The following CDH12 variants were observed in gnomAD, a reference collection of about 807,000 sequenced individuals.
The protein encoded by CDH12 is cadherin-12.
Under a neutral mutation model 74.1 loss-of-function variants are expected in CDH12, and 41 were observed. That is an observed-to-expected ratio of 0.55 (90% CI 0.43 to 0.72). CDH12 has a LOEUF of 0.72. Among genes scored for constraint, CDH12 ranks in the 30% least tolerant of loss-of-function variants. The probability of loss-of-function intolerance (pLI) is 0.00; values close to 1 mark genes in which losing one functional copy is unlikely to be tolerated. For missense variants in CDH12, 945 were observed against 977.2 expected (o/e 0.97, Z 0.44); for synonymous variants, 399 against 355.0 (o/e 1.12, Z -1.39).
chr5:22,141,956 T>G (rs1277263608), intron 4 of CDH12, among the ~76,000 whole-genome samples: 1 of 152,154 alleles, frequency 6.6e-6, no homozygotes. Flanking sequence ...AATAAATAAC[T>G]TGCCCAGAGT....
intron 1 of CDH12, among the ~76,000 whole-genome samples, chr5:22,564,387 C>A (rs952221858): frequency 4.6e-5 from 7 of 152,154 alleles, no homozygotes; most frequent in Non-Finnish European, 1.0e-4. Flanking sequence ...AAGTTTCCCT[C>A]CAATGTGACT....
chr5:22,347,789 A>T (rs1740181199), intron 3 of CDH12, among the ~76,000 whole-genome samples: 1 of 152,212 alleles, frequency 6.6e-6, no homozygotes, highest in Admixed American at 6.5e-5. Flanking sequence ...TGCCAGTAGT[A>T]TTACTGATAC....
chr5:22,194,125 T>C (rs1750466594), intron 4 of CDH12, among the ~76,000 whole-genome samples: 1 of 152,088 alleles, frequency 6.6e-6, no homozygotes, highest in Admixed American at 6.5e-5. Flanking sequence ...CTAGAAGATC[T>C]ATTTCAGTGC....
At chr5:22,487,051 G>T (rs56149949) in intron 2 of CDH12, among the ~76,000 whole-genome samples, 135,573 of 151,144 alleles carry the variant, frequency 0.9, 60,806 homozygotes, top group African/African-American at 0.96. Flanking sequence ...GGCTTTTTTT[G>T]TGTGTGTGTG....
chr5:22,338,695 T>C (rs1739707079), intron 3 of CDH12, among the ~76,000 whole-genome samples: 1 of 152,298 alleles, frequency 6.6e-6, no homozygotes, highest in East Asian at 1.9e-4. Flanking sequence ...TATGTACACA[T>C]ACTATGTACC....
chr5:22,701,758 T>C (rs1404462173), intron 1 of CDH12, among the ~76,000 whole-genome samples: 1 of 152,148 alleles, frequency 6.6e-6, no homozygotes, highest in Non-Finnish European at 1.5e-5. Context: ...TTTCCCTCAC[T>C]ACTCAATCTA....
intron 1 of CDH12, among the ~76,000 whole-genome samples, chr5:22,680,153 C>T (rs1438203766): frequency 2.0e-5 from 3 of 152,032 alleles, no homozygotes; most frequent in African/African-American, 7.2e-5. Context: ...TCTCTATTGG[C>T]TTGGCTTCTG....
At chr5:21,779,491 A>G (rs574183260) in intron 11 of CDH12, 113 of 152,340 alleles carry the variant, frequency 7.4e-4, no homozygotes, top group African/African-American at 2.6e-3. Flanking sequence ...AAAATACTCA[A>G]GGTTAATATA....
In CDH12 at chr5:21,755,326, T is replaced by C. The variant is rs1744321169; in HGVS notation, c.1885+265A>G. Among the ~76,000 whole-genome samples the C allele has an allele frequency of 5.9e-5, 9 of 152,312 alleles. No homozygotes were observed. The South Asian group carries it at 1.9e-3, about 32-fold the overall frequency. Reference sequence around the variant, plus strand: ...AAACTATTATTACTAGAAAATCTCTTAGGTCTTGAACATATTTTTGGTGTT... The same window carrying C: ...AAACTATTATTACTAGAAAATCTCTCAGGTCTTGAACATATTTTTGGTGTT... On this transcript the variant is annotated intron_variant, in intron 14 of 14. Transcript: ENST00000382254.
chr5:22,280,758 G>A (rs1011243815), intron 3 of CDH12, among the ~76,000 whole-genome samples: 1 of 152,112 alleles, frequency 6.6e-6, no homozygotes, highest in Non-Finnish European at 1.5e-5. Context: ...AAAAGTCCAG[G>A]ACCAGATGGA....
intron 2 of CDH12, among the ~76,000 whole-genome samples, chr5:22,431,874 G>A (rs1426333324): frequency 6.6e-6 from 1 of 152,142 alleles, no homozygotes; most frequent in African/African-American, 2.4e-5. Context: ...ATGAAAGAGA[G>A]TAGAAAAGTT....
At chr5:21,827,928 T>A (rs1426906732) in intron 8 of CDH12, among the ~76,000 whole-genome samples, 1 of 152,192 alleles carries the variant, frequency 6.6e-6, no homozygotes, top group African/African-American at 2.4e-5. Flanking sequence ...AAAACCTCCA[T>A]TGAATATTTA....
At chr5:22,467,079 C>G (rs993153943) in intron 2 of CDH12, among the ~76,000 whole-genome samples, 1 of 151,976 alleles carries the variant, frequency 6.6e-6, no homozygotes, top group African/African-American at 2.4e-5. Context: ...GCCACCGTGC[C>G]CGGCCTGCTC....
intron 5 of CDH12, among the ~76,000 whole-genome samples, chr5:21,997,508 T>G (rs1002524621): frequency 6.6e-6 from 1 of 152,104 alleles, no homozygotes; most frequent in African/African-American, 2.4e-5. Flanking sequence ...CCTGAAAAAT[T>G]AAAGCTGCAG....
intron 1 of CDH12, among the ~76,000 whole-genome samples, chr5:22,837,595 A>G (rs1395270440): frequency 6.6e-6 from 1 of 152,178 alleles, no homozygotes; most frequent in East Asian, 1.9e-4. Context: ...ATATGTTATT[A>G]TGAAGAGAGT....
At chr5:22,373,556 A>T (rs1741389189) in intron 3 of CDH12, among the ~76,000 whole-genome samples, 1 of 152,178 alleles carries the variant, frequency 6.6e-6, no homozygotes, top group African/African-American at 2.4e-5. Context: ...TGCTCAGAAC[A>T]CTGCTACCAC....
intron 3 of CDH12, among the ~76,000 whole-genome samples, chr5:22,239,836 T>A (rs905543081): frequency 1.3e-5 from 2 of 152,164 alleles, no homozygotes; most frequent in East Asian, 1.9e-4. Flanking sequence ...AGAATAACAC[T>A]TTTTTCCTTT....
At chr5:22,152,502 A>G (rs1297369701) in intron 4 of CDH12, 2 of 152,176 alleles carry the variant, frequency 1.3e-5, no homozygotes, top group African/African-American at 2.4e-5. Flanking sequence ...ATTGTTAAAA[A>G]TTGGCAGATA....
intron 1 of CDH12, among the ~76,000 whole-genome samples, chr5:22,679,268 A>G (rs1423631802): frequency 6.6e-6 from 1 of 152,118 alleles, no homozygotes; most frequent in Admixed American, 6.6e-5. Flanking sequence ...TGCAAATCCA[A>G]ATTAGAGTAT....
Sources: gnomAD v4.1 joint callset for allele counts (sites outside exome capture counted in the v4.1 genomes callset) on GRCh38, gnomAD v4.1.1 for gene constraint, MANE v1.5 for transcripts, NCBI Gene and HGNC (gene_info 2026-07-23, HGNC 2026-07-21) for gene names.